The following STRN variants were observed in gnomAD, a reference collection of about 807,000 sequenced individuals.
The protein encoded by STRN is striatin.
A neutral mutation model predicts 96.3 loss-of-function variants in STRN; 53 were observed. The observed-to-expected ratio is 0.55, with a 90% CI of 0.44 to 0.69. The LOEUF is 0.69. Among genes scored for constraint, STRN ranks in the 30% least tolerant of loss-of-function variants. The probability of loss-of-function intolerance (pLI) is 0.00; values close to 1 mark genes in which losing one functional copy is unlikely to be tolerated. For missense variants in STRN, 987 were observed against 963.9 expected (o/e 1.02, Z -0.32); for synonymous variants, 428 against 355.9 (o/e 1.20, Z -2.28).
Position 36,886,896 on chromosome 2 carries a change from G to T in STRN, c.932-70C>A, listed in dbSNP as rs893587023. The T allele has an allele frequency of 2.5e-6, 3 of 1,223,594 alleles. No homozygotes were observed. The South Asian group carries it at 5.0e-5, about 20-fold the overall frequency. The allele number at this position is 1,223,594 out of a possible 1,614,324, so 75.8% of individuals were successfully genotyped here. On this transcript the variant is annotated intron_variant, in intron 7 of 17. Transcript: ENST00000263918. ...TTGAACACTCTGAGTCAGTATGTCT[G>T]AATGACGTAACAACCACTTTCTTTA...
Position 36,911,737 on chromosome 2 carries a change from T to C in STRN, c.412+4341A>G, listed in dbSNP as rs180746531. Among the ~76,000 whole-genome samples, 65 of 152,268 alleles carry C rather than the reference T, an allele frequency of 4.3e-4. 1 individual carries two copies. Among genetic ancestry groups the C allele is most frequent in the African/African-American group, 1.5e-3 (62 of 41,550 alleles). ...TCACTTCAATCATTCCTTTGTCAAA[T>C]TTTTTTGTCCCTTTTTCTCTCCGTG... On this transcript the variant is annotated intron_variant, in intron 3 of 17. Coordinates refer to ENST00000263918, the MANE Select transcript of STRN (RefSeq NM_003162.4).
intron 1 of STRN, among the ~76,000 whole-genome samples, chr2:36,940,110 T>G (rs1670807837): frequency 6.6e-6 from 1 of 152,226 alleles, no homozygotes; most frequent in African/African-American, 2.4e-5. Context: ...TTTACATTCT[T>G]GTAGAAATAG....
chr2:36,898,874 A>C (rs988354882), intron 6 of STRN, among the ~76,000 whole-genome samples: 9 of 152,136 alleles, frequency 5.9e-5, no homozygotes, highest in African/African-American at 2.2e-4. Flanking sequence ...AGGAGGAAGA[A>C]GGAAGGAGAG....
At chr2:36,959,085 C>T (rs940512699) in intron 1 of STRN, among the ~76,000 whole-genome samples, 2 of 152,140 alleles carry the variant, frequency 1.3e-5, no homozygotes, top group Non-Finnish European at 1.5e-5. Context: ...CACTGCACTC[C>T]AGCCTGGGCG....
chr2:36,852,672 A>G (rs1668248918), intron 15 of STRN, among the ~76,000 whole-genome samples: 1 of 152,234 alleles, frequency 6.6e-6, no homozygotes. Context: ...ATTATTTCAA[A>G]ATAGAGTTTA....
At chr2:36,961,250 C>T (rs909349712) in intron 1 of STRN, among the ~76,000 whole-genome samples, 9 of 151,000 alleles carry the variant, frequency 6.0e-5, no homozygotes, top group African/African-American at 2.2e-4. Context: ...CCTCAGCCTC[C>T]CAAGTAGCTG....
chr2:36,963,107 A>G (rs1408889939), intron 1 of STRN, among the ~76,000 whole-genome samples: 3 of 152,234 alleles, frequency 2.0e-5, no homozygotes, highest in African/African-American at 7.2e-5. Flanking sequence ...AATTTATCAA[A>G]TAAGATGAGC....
rs1667869825 is a variant in STRN, at chr2:36,838,423, TTC to T, written c.*11031_*11032del. Among the ~76,000 whole-genome samples, 1 of 152,190 alleles carries T rather than the reference TTC, an allele frequency of 6.6e-6. No homozygotes were observed. Among genetic ancestry groups the T allele is most frequent in the Non-Finnish European group, 1.5e-5 (1 of 68,020 alleles). ...ACAGAACTTTGAATAGATAATTCAG[TTC>T]TGAGTGCAATCCAGATGACCAAAAC... On this transcript the variant is annotated 3_prime_UTR_variant, in exon 18 of 18. Coordinates refer to ENST00000263918, the MANE Select transcript of STRN (RefSeq NM_003162.4).
intron 12 of STRN, among the ~76,000 whole-genome samples, chr2:36,865,129 A>C (rs1317071852): frequency 2.0e-5 from 3 of 152,204 alleles, no homozygotes; most frequent in Admixed American, 1.3e-4. Context: ...CTTGTTGGTA[A>C]GCTTTTTATT....
intron 13 of STRN, among the ~76,000 whole-genome samples, chr2:36,860,180 A>G (rs1047958533): frequency 2.0e-5 from 3 of 152,208 alleles, no homozygotes; most frequent in Admixed American, 2.0e-4. Flanking sequence ...GAAGAGCAAG[A>G]GATTAGAATG....
At chr2:36,956,798 C>G (rs1664900263) in intron 1 of STRN, among the ~76,000 whole-genome samples, 2 of 152,218 alleles carry the variant, frequency 1.3e-5, no homozygotes, top group African/African-American at 4.8e-5. Context: ...GAAGTGCTGT[C>G]TGTCAACATT....
At chr2:36,921,936 G>A (rs1317884337) in intron 2 of STRN, among the ~76,000 whole-genome samples, 1 of 152,074 alleles carries the variant, frequency 6.6e-6, no homozygotes, top group Non-Finnish European at 1.5e-5. Flanking sequence ...ATGCTATAAA[G>A]ATCACTTTTA....
In STRN at chr2:36,900,310, G is replaced by A. The variant is rs564117009; in HGVS notation, c.660-652C>T. Among the ~76,000 whole-genome samples the A allele has an allele frequency of 3.9e-5, 6 of 152,086 alleles. No individual in the cohort carries two copies. In the South Asian group the frequency reaches 8.3e-4, roughly 21 times the overall value. ...AAATATTTTTATTATCTCTACCGCCGTTTTTCTCTACTCTTATTCTCTCTA... is the reference window on the plus strand; with the variant it reads ...AAATATTTTTATTATCTCTACCGCCATTTTTCTCTACTCTTATTCTCTCTA... On this transcript the variant is annotated intron_variant, in intron 5 of 17. Coordinates refer to ENST00000263918, the MANE Select transcript of STRN (RefSeq NM_003162.4).
Position 36,966,421 on chromosome 2 carries a change from G to GGTT in STRN, c.40_42dup (p.Asn14dup). 1 of 1,464,696 alleles carries GGTT rather than the reference G, an allele frequency of 6.8e-7. No individual in the cohort carries two copies. Among genetic ancestry groups the GGTT allele is most frequent in the Non-Finnish European group, 9.0e-7 (1 of 1,109,486 alleles). 90.7% of individuals were successfully genotyped at this position (1,464,696 alleles called of 1,614,324 possible). A position where few individuals can be genotyped will look rare whatever the true frequency, so the allele number is the denominator to read the frequency against. The stretch of plus-strand genomic sequence containing the variant: ...CCCTTGGCACCGCCGGCGCCCGGGT[G>GGTT]GTTGTTGCTGAAGAAGACGCCGGGA... On this transcript the variant is annotated inframe_insertion, in exon 1 of 18. Transcript: ENST00000263918.
chr2:36,944,900 T>C (rs1670940185), intron 1 of STRN, among the ~76,000 whole-genome samples: 1 of 152,210 alleles, frequency 6.6e-6, no homozygotes, highest in South Asian at 2.1e-4. Context: ...AGTAGAATGC[T>C]AGATAATGCC....
At chr2:36,891,795 G>A (rs759787030) in intron 7 of STRN, among the ~76,000 whole-genome samples, 1 of 152,128 alleles carries the variant, frequency 6.6e-6, no homozygotes, top group Non-Finnish European at 1.5e-5. Context: ...CCTTTTCCTT[G>A]AACTTATCTA....
At chr2:36,965,489 A>T (rs2148287243) in intron 1 of STRN, among the ~76,000 whole-genome samples, 1 of 152,326 alleles carries the variant, frequency 6.6e-6, no homozygotes, top group African/African-American at 2.4e-5. Flanking sequence ...AGCACAAGAA[A>T]ATCTCCCAAA....
At chr2:36,956,444 A>G (rs997837341) in intron 1 of STRN, among the ~76,000 whole-genome samples, 2 of 152,304 alleles carry the variant, frequency 1.3e-5, no homozygotes, top group African/African-American at 4.8e-5. Flanking sequence ...TATGATGGTC[A>G]ACAGATTGTT....
intron 1 of STRN, among the ~76,000 whole-genome samples, chr2:36,962,771 T>C (rs1437859183): frequency 6.6e-6 from 1 of 152,172 alleles, no homozygotes; most frequent in East Asian, 1.9e-4. Flanking sequence ...CCTCCCAAAG[T>C]GCTGGGGATT....
Sources: gnomAD v4.1 joint callset for allele counts (sites outside exome capture counted in the v4.1 genomes callset) on GRCh38, gnomAD v4.1.1 for gene constraint, MANE v1.5 for transcripts, NCBI Gene and HGNC (gene_info 2026-07-23, HGNC 2026-07-21) for gene names.